Variants in CA12 observed in about 807,000 individuals in gnomAD.
The protein encoded by CA12 is carbonate dehydratase XII.
Under a neutral mutation model 46.8 loss-of-function variants are expected in CA12, and 36 were observed. That is an observed-to-expected ratio of 0.77 (90% confidence interval 0.59 to 1.02). The LOEUF is 1.02. Ranked by LOEUF, CA12 falls within the 50% of genes least tolerant of loss-of-function variation. The probability of loss-of-function intolerance (pLI) is 0.00; values close to 1 mark genes in which losing one functional copy is unlikely to be tolerated. For missense variants in CA12, 436 were observed against 451.4 expected, an observed-to-expected ratio of 0.97 and a Z score of 0.31; for synonymous variants, 202 against 187.0, an observed-to-expected ratio of 1.08 and a Z score of -0.65.
At chr15:63,371,345 G>T (rs974473559) in intron 2 of CA12, among the ~76,000 whole-genome samples, 1 of 152,242 alleles carries the variant, frequency 6.6e-6, no homozygotes, top group Non-Finnish European at 1.5e-5. Context: ...ACCAAGGAGT[G>T]CAGCAAAAGG....
chr15:63,335,625 G>A (rs1020674908), intron 8 of CA12, among the ~76,000 whole-genome samples: 5 of 150,356 alleles, frequency 3.3e-5, no homozygotes, highest in Non-Finnish European at 5.9e-5. Context: ...CACCACACCC[G>A]GCCATCCTAG....
rs879928539 is a variant in CA12, at chr15:63,355,499, G to A, written c.107-8790C>T. Among the ~76,000 whole-genome samples the A allele has an allele frequency of 3.9e-5, 6 of 152,228 alleles. No homozygotes were observed. The highest frequency in any genetic ancestry group is 7.3e-5 in the Non-Finnish European group (5 of 68,034). Reference sequence around the variant, plus strand: ...CCGGACACTCTGGGGGTGGCGCCCAGCATCTGCCGTTGGACAAGGCTGCCA... The same window carrying A: ...CCGGACACTCTGGGGGTGGCGCCCAACATCTGCCGTTGGACAAGGCTGCCA... On this transcript the variant is annotated intron_variant, in intron 2 of 10. Transcript: ENST00000178638. This position sits in a 1 kb window ranked among gnomAD's most constrained non-coding sequence, Gnocchi z 4.1.
rs926786461 is a variant in CA12, at chr15:63,328,754, G to A, written c.875-624C>T. Among the ~76,000 whole-genome samples the A allele has an allele frequency of 6.6e-6, 1 of 152,096 alleles. No homozygotes were observed. The highest frequency in any genetic ancestry group is 1.5e-5 in the Non-Finnish European group (1 of 68,030). ...CTCGCTCTGTCACACATGCTGGAGT[G>A]CAGTGGCACAATCTTGGCTCACTGC... On this transcript the variant is annotated intron_variant, in intron 8 of 10. Coordinates refer to ENST00000178638, the MANE Select transcript of CA12 (RefSeq NM_001218.5). The surrounding 1 kb of genome is among the most constrained non-coding windows in gnomAD (Gnocchi z 5.9).
intron 2 of CA12, among the ~76,000 whole-genome samples, chr15:63,354,872 C>A (rs58774243): frequency 0.058 from 8,793 of 152,136 alleles, 861 homozygotes; most frequent in African/African-American, 0.2. Context: ...CTCCACCCCG[C>A]CAATAATCCC....
At chr15:63,347,706 G>T (rs1030393180) in intron 2 of CA12, among the ~76,000 whole-genome samples, 1 of 152,146 alleles carries the variant, frequency 6.6e-6, no homozygotes, top group East Asian at 1.9e-4. Flanking sequence ...TTATCTCCAC[G>T]GTAATTAAAC....
intron 2 of CA12, 143 bp downstream of exon 2, chr15:63,375,515 T>C (rs991429226): frequency 4.4e-5 from 28 of 640,228 alleles, no homozygotes; most frequent in African/African-American, 4.1e-4. Flanking sequence ...GAGATGCCTT[T>C]GTACTCTCTT....
chr15:63,369,305 C>G (rs553209958), intron 2 of CA12, among the ~76,000 whole-genome samples: 61 of 152,332 alleles, frequency 4.0e-4, no homozygotes, highest in African/African-American at 1.4e-3. Context: ...GCGTTTGGTG[C>G]TGTAGAGTTT....
chr15:63,365,601 G>T (rs73444956), intron 2 of CA12, among the ~76,000 whole-genome samples: 1 of 152,188 alleles, frequency 6.6e-6, no homozygotes, highest in Non-Finnish European at 1.5e-5. Flanking sequence ...CAGCAGAGAC[G>T]GGCTTTCAGC....
chr15:63,350,658 G>A (rs993011012), intron 2 of CA12, among the ~76,000 whole-genome samples: 3 of 152,194 alleles, frequency 2.0e-5, no homozygotes, highest in Non-Finnish European at 2.9e-5. Flanking sequence ...AGATTAACAT[G>A]GCACAGCTCA....
intron 2 of CA12, among the ~76,000 whole-genome samples, chr15:63,346,937 A>G (rs2039158474): frequency 6.6e-6 from 1 of 152,236 alleles, no homozygotes; most frequent in Admixed American, 6.5e-5. Context: ...TGCACAGGCC[A>G]GAGCCAGAAG....
chr15:63,368,555 T>C (rs1381363443), intron 2 of CA12, among the ~76,000 whole-genome samples: 1 of 152,236 alleles, frequency 6.6e-6, no homozygotes, highest in Admixed American at 6.5e-5. Context: ...AAGATTTATT[T>C]TGAGCAGGTT....
intron 2 of CA12, among the ~76,000 whole-genome samples, chr15:63,350,791 A>G (rs762159157): frequency 6.6e-6 from 1 of 152,196 alleles, no homozygotes; most frequent in Non-Finnish European, 1.5e-5. Flanking sequence ...AGAGGAGTGG[A>G]ATGAACCCCA....
In CA12 at chr15:63,345,624, G is replaced by T; in HGVS notation, c.287-5C>A. ...CCGAGGGCAGGTTCAGCTTCACTGC[G>T]GGGAGTGGAGGAGCAGCCTTCAGAG... On this transcript the variant is annotated splice_region_variant and splice_polypyrimidine_tract_variant and intron_variant, in intron 3 of 10. Coordinates refer to ENST00000178638, the MANE Select transcript of CA12 (RefSeq NM_001218.5). The surrounding 1 kb of genome is among the most constrained non-coding windows in gnomAD (Gnocchi z 4.3). 6.2e-7 allele frequency: 1 copy of T among 1,610,838 alleles called. No homozygotes were observed. The highest frequency in any genetic ancestry group is 8.5e-7 in the Non-Finnish European group (1 of 1,179,796).
At chr15:63,377,197 G>A (rs2039588748) in intron 1 of CA12, among the ~76,000 whole-genome samples, 1 of 152,198 alleles carries the variant, frequency 6.6e-6, no homozygotes, top group Admixed American at 6.5e-5. Flanking sequence ...CCTGAGTAGA[G>A]AAGCATCCCA....
Position 63,345,655 on chromosome 15 carries a change from G to T in CA12, c.287-36C>A. ...TGGAGGAGCAGCCTTCAGAGCCCCG[G>T]CCAGCTGTGCACTGCCAGAGAGCAG... On this transcript the variant is annotated intron_variant, in intron 3 of 10. Transcript: ENST00000178638. The surrounding 1 kb of genome is among the most constrained non-coding windows in gnomAD (Gnocchi z 4.3). 1 of 1,599,804 alleles carries T rather than the reference G, an allele frequency of 6.3e-7. No homozygotes were observed. Among genetic ancestry groups the T allele is most frequent in the African/African-American group, 1.3e-5 (1 of 74,932 alleles).
rs746852053 is a variant in CA12 at position 63,341,960 on chromosome 15, C to G, written c.525+42G>C. 20 of 1,394,674 alleles carry G rather than the reference C, an allele frequency of 1.4e-5. 1 individual carries two copies. The South Asian group carries it at 2.3e-4, about 16-fold the overall frequency. The allele number at this position is 1,394,674 out of a possible 1,614,324, so 86.4% of individuals were successfully genotyped here. On this transcript the variant is annotated intron_variant, in intron 5 of 10. Coordinates refer to ENST00000178638, the MANE Select transcript of CA12 (RefSeq NM_001218.5). This position sits in a 1 kb window ranked among gnomAD's most constrained non-coding sequence, Gnocchi z 5.2. ...AAAAGGTGGAATCCCAATCTCATCCCTGCTTCAAATTTCACCTAAGAACCT... is the reference window on the plus strand; with the variant it reads ...AAAAGGTGGAATCCCAATCTCATCCGTGCTTCAAATTTCACCTAAGAACCT...
chr15:63,358,679 G>A (rs2039322152), intron 2 of CA12, among the ~76,000 whole-genome samples: 1 of 152,156 alleles, frequency 6.6e-6, no homozygotes, highest in Admixed American at 6.5e-5. Context: ...ATTTGAATGT[G>A]ACCTTGAACT....
Position 63,372,611 on chromosome 15 carries a change from C to T in CA12, c.106+3047G>A, listed in dbSNP as rs1198239248. Among the ~76,000 whole-genome samples the T allele has an allele frequency of 6.6e-6, 1 of 152,224 alleles. No homozygotes were observed. Among genetic ancestry groups the T allele is most frequent in the African/African-American group, 2.4e-5 (1 of 41,460 alleles). ...GCCCAGCACGGAGCCTTTGGTTGGACTTGCCCCATTCAGTGCGGCCCTTAT... is the reference window on the plus strand; with the variant it reads ...GCCCAGCACGGAGCCTTTGGTTGGATTTGCCCCATTCAGTGCGGCCCTTAT... On this transcript the variant is annotated intron_variant, in intron 2 of 10. Transcript: ENST00000178638. This position sits in a 1 kb window ranked among gnomAD's most constrained non-coding sequence, Gnocchi z 4.5.
At chr15:63,336,513 A>G (rs1405409197) in intron 8 of CA12, among the ~76,000 whole-genome samples, 1 of 150,916 alleles carries the variant, frequency 6.6e-6, no homozygotes, top group South Asian at 2.1e-4. Flanking sequence ...TTAGCACCGA[A>G]AGGACATGAG....
Sources: gnomAD v4.1 joint callset for allele counts (sites outside exome capture counted in the v4.1 genomes callset) on GRCh38, gnomAD v4.1.1 for gene constraint, Gnocchi (gnomAD v3.1) non-coding constraint, MANE v1.5 for transcripts, NCBI Gene and HGNC (gene_info 2026-07-23, HGNC 2026-07-21) for gene names.